NARF: variants seen among roughly 807,000 people sequenced by gnomAD.
NARF encodes nuclear prelamin A recognition factor.
In NARF, 41 loss-of-function variants were observed where a neutral mutation model predicts 48.0. The ratio of observed to expected loss-of-function variants is 0.85; its 90% CI spans 0.66 to 1.11. The LOEUF (loss-of-function observed/expected upper bound fraction) is 1.11. Among genes scored for constraint, NARF ranks in the 50% least tolerant of loss-of-function variants. The pLI is 0.00. For synonymous variants in NARF, 215 were observed against 225.5 expected, an observed-to-expected ratio of 0.95 and a Z score of 0.42; for missense variants, 613 against 590.2, an observed-to-expected ratio of 1.04 and a Z score of -0.40.
chr17:82,475,954 C>T (rs2043822862), intron 5 of NARF, among the ~76,000 whole-genome samples: 1 of 152,280 alleles, frequency 6.6e-6, no homozygotes, highest in Non-Finnish European at 1.5e-5. Context: ...AAAGTATAAA[C>T]TTTATTTCTC....
intron 5 of NARF, among the ~76,000 whole-genome samples, chr17:82,473,715 G>T (rs188198550): frequency 6.6e-6 from 1 of 151,650 alleles, no homozygotes; most frequent in Non-Finnish European, 1.5e-5. Context: ...GCGCCACCAC[G>T]CCTGGCTAAT....
At chr17:82,468,323 T>C (rs1021398970) in intron 3 of NARF, among the ~76,000 whole-genome samples, 12 of 150,806 alleles carry the variant, frequency 8.0e-5, no homozygotes, top group Non-Finnish European at 1.5e-4. Flanking sequence ...TTTTTTTTTT[T>C]ACTGTAGCCT....
At chr17:82,464,073 T>A in intron 2 of NARF, 1 of 532,736 alleles carries the variant, frequency 1.9e-6, no homozygotes, top group East Asian at 3.2e-5. Context: ...CCTAGTGTCA[T>A]TGTGGGCTGG....
chr17:82,465,712 C>T (rs968861423), intron 3 of NARF, among the ~76,000 whole-genome samples: 13 of 152,142 alleles, frequency 8.5e-5, no homozygotes, highest in African/African-American at 2.9e-4. Context: ...ACTACAGACG[C>T]GTGCTACCAC....
rs1165905595 is a variant in NARF, at chr17:82,487,786, C to T, written c.1130-130C>T. The stretch of plus-strand genomic sequence containing the variant: ...AACATAGCAACACCCGCCCCTCCCG[C>T]CCAATCTCTACAAAAAATTTAAAAA... On this transcript the variant is annotated intron_variant, in intron 10 of 10. Transcript: ENST00000309794. The T allele has an allele frequency of 5.5e-5, 40 of 730,552 alleles. No individual in the cohort carries two copies. In the East Asian group the frequency reaches 7.2e-4, roughly 13 times the overall value. The allele number at this position is 730,552 out of a possible 1,614,324, so 45.3% of individuals were successfully genotyped here.
At chr17:82,475,745 A>G (rs2043818427) in intron 5 of NARF, among the ~76,000 whole-genome samples, 1 of 152,170 alleles carries the variant, frequency 6.6e-6, no homozygotes, top group Non-Finnish European at 1.5e-5. Context: ...CAGGGCCCCT[A>G]CCTAGCATTG....
At chr17:82,481,278 C>T (rs2043959492) in intron 7 of NARF, 67 bp downstream of exon 7, 2 of 1,590,350 alleles carry the variant, frequency 1.3e-6, no homozygotes, top group East Asian at 4.5e-5. Flanking sequence ...CACACCAGAG[C>T]CAGGCAGATC....
At chr17:82,480,525 G>T in intron 6 of NARF, 2 of 404,090 alleles carry the variant, frequency 4.9e-6, no homozygotes, top group Non-Finnish European at 8.8e-6. Context: ...AGACAGACAT[G>T]GATGGAGTGC....
At chr17:82,459,892 A>G in intron 1 of NARF, 100 bp from the exon 2 acceptor site, 1 of 897,146 alleles carries the variant, frequency 1.1e-6, no homozygotes, top group Non-Finnish European at 1.7e-6. Flanking sequence ...AAACTAAAAG[A>G]AAGGATAGAA....
intron 6 of NARF, 88 bp from the exon 7 acceptor site, chr17:82,480,994 G>A (rs1050033981): frequency 1.7e-5 from 26 of 1,543,292 alleles, no homozygotes; most frequent in East Asian, 1.4e-4. Context: ...GGGGGCATTC[G>A]GTCTCCCATC....
intron 5 of NARF, 141 bp from the exon 6 acceptor site, chr17:82,478,659 G>C: frequency 1.1e-6 from 1 of 871,296 alleles, no homozygotes; most frequent in Non-Finnish European, 1.9e-6. Flanking sequence ...GGTCCAGCAC[G>C]AGCTCCTGGT....
intron 1 of NARF, 139 bp from the exon 2 acceptor site, chr17:82,459,853 C>A (rs78720068): frequency 1.5e-6 from 1 of 654,652 alleles, no homozygotes; most frequent in Non-Finnish European, 2.5e-6. Context: ...TGGGTGAGAG[C>A]GAGACTCCGT....
At chr17:82,486,719 G>A (rs1373353392) in intron 10 of NARF, among the ~76,000 whole-genome samples, 3 of 152,186 alleles carry the variant, frequency 2.0e-5, no homozygotes, top group Non-Finnish European at 2.9e-5. Flanking sequence ...TGAGGAAGGA[G>A]AAGGTGCAAG....
chr17:82,464,298 C>T lies in NARF; in HGVS notation c.120C>T (p.Phe40=), dbSNP rs150694147. ...GTCATCTTTCATAGAAGGGAGAATT[C>T]CACAAGTTGGCTGATGCCAAGATAT... The part of the protein sequence containing the change: ...PAQENGEKGE[F]HKLADAKIFL... The change falls in exon 3 of 11, where the codon TTC becomes TTT. Residue 40 remains phenylalanine, a synonymous_variant. Transcript: ENST00000309794. 1 of 1,613,252 alleles carries T rather than the reference C, an allele frequency of 6.2e-7. No individual in the cohort carries two copies. Among genetic ancestry groups the T allele is most frequent in the South Asian group, 1.1e-5 (1 of 90,936 alleles).
rs778224038 is a variant in NARF at position 82,488,104 on chromosome 17, A to C, written c.1318A>C (p.Thr440Pro). Residue 440 changes from threonine (T) to proline (P), a missense_variant, in exon 11 of 11, where the codon ACC becomes CCC. By Grantham distance (38) the Thr-to-Pro change is conservative. Coordinates refer to ENST00000309794, the MANE Select transcript of NARF (RefSeq NM_012336.4). ...NSPKAREVLHTTYQSQERGTH... is the reference protein window; with the variant it reads ...NSPKAREVLHPTYQSQERGTH... ...CCCCAAGGCCCGAGAGGTGCTGCAT[A>C]CCACGTACCAGAGCCAGGAGCGTGG... is the stretch of plus-strand genomic sequence containing the variant. 1 of 1,614,016 alleles carries C rather than the reference A, an allele frequency of 6.2e-7. No homozygotes were observed. Among genetic ancestry groups the C allele is most frequent in the Non-Finnish European group, 8.5e-7 (1 of 1,180,040 alleles).
In NARF at chr17:82,478,854, G is replaced by T. The variant is rs1354011441; in HGVS notation, c.575G>T (p.Cys192Phe). The T allele has an allele frequency of 6.2e-7, 1 of 1,613,978 alleles. No individual in the cohort carries two copies. The highest frequency in any genetic ancestry group is 2.2e-5 in the East Asian group (1 of 44,878). ...GGTCGCCCCATCACTGCCCACCTCT[G>T]CACCGCCAAGTCCCCCCAGCAGGTC... ...VLGRPITAHL[C>F]TAKSPQQVMG... is the part of the protein sequence containing the mutation. Residue 192 changes from cysteine (C) to phenylalanine (F), a missense_variant, in exon 6 of 11, where the codon TGC (cysteine) becomes TTC (phenylalanine). Transcript: ENST00000309794.
chr17:82,480,289 G>GCACACACA (rs3068087), intron 6 of NARF: 24 of 377,362 alleles, frequency 6.4e-5, no homozygotes, highest in Middle Eastern at 7.2e-4. Flanking sequence ...GCCAGCGCGC[G>GCACACACA]CACACACACA....
chr17:82,488,274 A>T lies in NARF; in HGVS notation c.*117A>T. ...ACTTAAGAAAACCGCTCAATGGATT[A>T]CTTTGGTTTCTCCGAGTTCCCTGCT... On this transcript the variant is annotated 3_prime_UTR_variant, in exon 11 of 11. Transcript: ENST00000309794. 1 of 1,445,780 alleles carries T rather than the reference A, an allele frequency of 6.9e-7. No homozygotes were observed. The highest frequency in any genetic ancestry group is 2.4e-5 in the East Asian group (1 of 41,008). The allele number at this position is 1,445,780 out of a possible 1,614,324, so 89.6% of individuals were successfully genotyped here.
intron 8 of NARF, 134 bp downstream of exon 8, chr17:82,483,913 C>G (rs1008046073): frequency 2.0e-5 from 15 of 748,850 alleles, no homozygotes; most frequent in Non-Finnish European, 3.3e-5. Context: ...TCCCCCAGGC[C>G]CCTGCCACAA....
Sources: allele counts gnomAD v4.1 joint callset (sites outside exome capture counted in the v4.1 genomes callset), GRCh38; gene constraint gnomAD v4.1.1; transcripts MANE v1.5; gene names NCBI Gene and HGNC (gene_info 2026-07-23, HGNC 2026-07-21).